Variants in CTSB observed in about 807,000 individuals in gnomAD.
CTSB encodes APP secretase.
CTSB carries 57 observed loss-of-function variants against 44.3 expected under a neutral mutation model. The observed-to-expected ratio is 1.29, with a 90% CI of 1.04 to 1.60. The LOEUF (loss-of-function observed/expected upper bound fraction) is 1.60. Among genes scored for constraint, CTSB ranks in the 40% most tolerant of loss-of-function variants. CTSB has a pLI of 0.00. For synonymous variants in CTSB, 320 were observed against 168.0 expected, an observed-to-expected ratio of 1.91 and a Z score of -7.00; for missense variants, 768 against 443.0, an observed-to-expected ratio of 1.73 and a Z score of -6.59.
rs1267187370 is a variant in CTSB at position 11,847,164 on chromosome 8, G to A, written c.681C>T (p.Tyr227=). 5.0e-6 allele frequency: 8 copies of A among 1,604,992 alleles called. No individual in the cohort carries two copies. The Admixed American group carries it at 5.0e-5, about 10-fold the overall frequency. The change falls in exon 8 of 10, where the codon TAC becomes TAT. Residue 227 remains tyrosine (Y), a synonymous_variant. Coordinates refer to ENST00000353047, the MANE Select transcript of CTSB (RefSeq NM_001908.5). The part of the protein sequence containing the change: ...PTYKQDKHYG[Y]NSYSVSNSEK... ...CGCTATTGGAGACGCTGTAGGAATTGTATCCTGGAAAATGAACCGAGCTCG... is the reference window on the plus strand; with the variant it reads ...CGCTATTGGAGACGCTGTAGGAATTATATCCTGGAAAATGAACCGAGCTCG...
chr8:11,848,576 C>T (rs914841931), intron 5 of CTSB: 4 of 336,476 alleles, frequency 1.2e-5, no homozygotes, highest in Non-Finnish European at 2.3e-5. Flanking sequence ...TTTTTTAAGC[C>T]CTCAGGCATT....
At chr8:11,867,724 G>C (rs900140654) in intron 1 of CTSB, 1 of 152,240 alleles carries the variant, frequency 6.6e-6, no homozygotes, top group Non-Finnish European at 1.5e-5. Flanking sequence ...GCCGGGGTCC[G>C]GCGCACAGCC....
chr8:11,847,404 G>T (rs557810604), intron 7 of CTSB, among the ~76,000 whole-genome samples: 1 of 152,170 alleles, frequency 6.6e-6, no homozygotes, highest in Non-Finnish European at 1.5e-5. Flanking sequence ...AAGAGGCCAG[G>T]ATACCTCAAG....
At chr8:11,864,222 C>A (rs1486508951) in intron 1 of CTSB, among the ~76,000 whole-genome samples, 2 of 144,556 alleles carry the variant, frequency 1.4e-5, no homozygotes, top group African/African-American at 5.1e-5. Flanking sequence ...GTAATCCCAG[C>A]ATTTGGAAGG....
intron 2 of CTSB, 59 bp downstream of exon 2, chr8:11,853,270 T>G: frequency 1.3e-6 from 2 of 1,584,498 alleles, no homozygotes; most frequent in Non-Finnish European, 1.7e-6. Flanking sequence ...ATTCCTGGAG[T>G]CAGTGTGCAC....
intron 8 of CTSB, 115 bp from the exon 9 acceptor site, chr8:11,845,904 C>G: frequency 7.7e-7 from 1 of 1,300,342 alleles, no homozygotes; most frequent in Non-Finnish European, 1.0e-6. Context: ...CCAGAGGGAA[C>G]CTGCTGCTCC....
chr8:11,848,356 C>T, intron 5 of CTSB: 1 of 680,452 alleles, frequency 1.5e-6, no homozygotes, highest in Non-Finnish European at 2.7e-6. Flanking sequence ...GCCAGCCCCA[C>T]CCCTGCCCAC....
At chr8:11,849,406 A>G (rs1188166215) in intron 4 of CTSB, 3 of 330,190 alleles carry the variant, frequency 9.1e-6, no homozygotes, top group African/African-American at 4.2e-5. Context: ...TTGGCCTCCC[A>G]AAGTGCTGGG....
chr8:11,866,359 T>C (rs1817150408), intron 1 of CTSB, among the ~76,000 whole-genome samples: 1 of 152,234 alleles, frequency 6.6e-6, no homozygotes, highest in Non-Finnish European at 1.5e-5. Context: ...AGGAGAGCTG[T>C]GCCAGGGCCG....
intron 8 of CTSB, among the ~76,000 whole-genome samples, chr8:11,846,846 T>G (rs1027986911): frequency 3.9e-5 from 6 of 152,030 alleles, no homozygotes; most frequent in Admixed American, 6.5e-5. Context: ...GAATTGTGTG[T>G]GTTGGCACAA....
chr8:11,861,442 C>G (rs931316720), intron 1 of CTSB: 14 of 152,378 alleles, frequency 9.2e-5, no homozygotes, highest in Admixed American at 6.5e-5. Flanking sequence ...ACTGCAGGCC[C>G]AGCCCACGCA....
Position 11,847,739 on chromosome 8 carries a change from T to C in CTSB, c.616A>G (p.Lys206Glu). 1 of 1,600,796 alleles carries C rather than the reference T, an allele frequency of 6.2e-7. No individual in the cohort carries two copies. Among genetic ancestry groups the C allele is most frequent in the Non-Finnish European group, 8.5e-7 (1 of 1,175,614 alleles). The change falls in exon 7 of 10, where the codon AAG becomes GAG. Residue 206 changes from lysine to glutamate, a missense_variant. By Grantham distance (56) the Lys-to-Glu change is moderately conservative (BLOSUM62 1). Transcript: ENST00000353047. The stretch of plus-strand genomic sequence containing the variant: ...CCAGGCTCACAGATCTTGCTACACT[T>C]GGGGGTATCTCCCTCCCCCGTGCAT... ...PPCTGEGDTP[K>E]CSKICEPGYS...
At chr8:11,855,555 A>G (rs897956396) in intron 1 of CTSB, among the ~76,000 whole-genome samples, 1 of 152,232 alleles carries the variant, frequency 6.6e-6, no homozygotes, top group Non-Finnish European at 1.5e-5. Flanking sequence ...CAGGAAACAC[A>G]GCCTTCAAGG....
chr8:11,867,946 A>C (rs1817421653), intron 1 of CTSB, 55 bp downstream of exon 1: 1 of 151,486 alleles, frequency 6.6e-6, no homozygotes, highest in Non-Finnish European at 1.5e-5. Context: ...GCCGGGTAGC[A>C]CCGTCCCCGC....
chr8:11,848,196 C>G (rs775070973), intron 5 of CTSB, 44 bp from the exon 6 acceptor site: 2 of 1,525,732 alleles, frequency 1.3e-6, no homozygotes, highest in African/African-American at 1.4e-5. Flanking sequence ...AGAAGCACCA[C>G]CAGCTCTCCA....
In CTSB at chr8:11,847,782, G is replaced by A. The variant is rs766343535; in HGVS notation, c.573C>T (p.Val191=). Residue 191 remains valine (V), a synonymous_variant, in exon 7 of 10, where the codon GTC becomes GTT. Coordinates refer to ENST00000353047, the MANE Select transcript of CTSB (RefSeq NM_001908.5). ...PYSIPPCEHH[V]NGSRPPCTGE... ...CCGTGCATGGGGGCCGGGAGCCGTTGACGTGGTGCTCACAGGGAGGGATGG... is the reference window on the plus strand; with the variant it reads ...CCGTGCATGGGGGCCGGGAGCCGTTAACGTGGTGCTCACAGGGAGGGATGG... 8 of 1,599,024 alleles carry A rather than the reference G, an allele frequency of 5.0e-6. No homozygotes were observed. The highest frequency in any genetic ancestry group is 6.8e-6 in the Non-Finnish European group (8 of 1,175,848).
intron 1 of CTSB, among the ~76,000 whole-genome samples, chr8:11,854,415 C>A (rs538586738): frequency 6.6e-6 from 1 of 152,024 alleles, no homozygotes; most frequent in African/African-American, 2.4e-5. Context: ...ACAATTTAAA[C>A]TTCATTGTTG....
rs9009 is a variant in CTSB, at chr8:11,844,497, A to T, written c.*628T>A. The T allele has an allele frequency of 0.67, 102,491 of 152,166 alleles. 35,743 individuals are homozygous for T. The highest frequency in any genetic ancestry group is 0.97 in the East Asian group (5,006 of 5,184). 9.4% of individuals were successfully genotyped at this position (152,166 alleles called of 1,614,324 possible). On this transcript the variant is annotated 3_prime_UTR_variant, in exon 10 of 10. Coordinates refer to ENST00000353047, the MANE Select transcript of CTSB (RefSeq NM_001908.5). ...TTGGTTTCCTTTTGAGCCGCGTCAT[A>T]AGGAGGCAATCTGTAAAACTAGCAC...
At chr8:11,856,441 C>G (rs1252641937) in intron 1 of CTSB, among the ~76,000 whole-genome samples, 1 of 152,048 alleles carries the variant, frequency 6.6e-6, no homozygotes, top group South Asian at 2.1e-4. Flanking sequence ...TGGTGAAACC[C>G]TGTATCTACT....
Sources: gnomAD v4.1 joint callset for allele counts (sites outside exome capture counted in the v4.1 genomes callset) on GRCh38, gnomAD v4.1.1 for gene constraint, MANE v1.5 for transcripts, NCBI Gene and HGNC (gene_info 2026-07-23, HGNC 2026-07-21) for gene names.